TANC2: variants seen among roughly 807,000 people sequenced by gnomAD.
TANC2 encodes the protein tetratricopeptide repeat, ankyrin repeat and coiled-coil containing 2.
TANC2 carries 26 observed loss-of-function variants against 210.5 expected under a neutral mutation model. The ratio of observed to expected loss-of-function variants is 0.12; its 90% CI spans 0.09 to 0.17. The LOEUF (loss-of-function observed/expected upper bound fraction) is 0.17, where lower values mean the gene tolerates loss of function less well. Ranked by LOEUF, TANC2 falls within the 10% of genes least tolerant of loss-of-function variation. The pLI, the probability that TANC2 is intolerant of heterozygous loss-of-function variation, is 1.00. For synonymous variants in TANC2, 931 were observed against 967.1 expected (o/e 0.96, Z 0.69); for missense variants, 2,129 against 2,608.9 (o/e 0.82, Z 4.01).
intron 4 of TANC2, among the ~76,000 whole-genome samples, chr17:63,104,202 G>T (rs1267310337): frequency 6.6e-6 from 1 of 152,100 alleles, no homozygotes; most frequent in South Asian, 2.1e-4. Flanking sequence ...TGCTTTGGGG[G>T]CGATGTGGAA....
intron 3 of TANC2, chr17:63,088,462 C>A (rs950600279): frequency 1.3e-5 from 2 of 152,308 alleles, no homozygotes; most frequent in South Asian, 4.1e-4. Flanking sequence ...AGTTCCTGCT[C>A]AAGACTTTCC....
chr17:63,207,502 A>G (rs571053704), intron 7 of TANC2, among the ~76,000 whole-genome samples: 18 of 152,304 alleles, frequency 1.2e-4, no homozygotes, highest in African/African-American at 4.3e-4. Flanking sequence ...GGCATGAGCC[A>G]CCACGCTCAG....
At chr17:63,303,413 A>G (rs762775047) in intron 9 of TANC2, among the ~76,000 whole-genome samples, 4 of 152,156 alleles carry the variant, frequency 2.6e-5, no homozygotes, top group Non-Finnish European at 4.4e-5. Flanking sequence ...AAGAATGTTG[A>G]ATATTGGCCC....
intron 9 of TANC2, among the ~76,000 whole-genome samples, chr17:63,286,180 G>A (rs966271041): frequency 2.0e-5 from 3 of 152,042 alleles, no homozygotes; most frequent in African/African-American, 4.8e-5. Flanking sequence ...TTATCCATGC[G>A]TTACCATTTC....
chr17:63,099,062 T>C (rs1011482463), intron 3 of TANC2, 113 bp from the exon 4 acceptor site: 1 of 1,098,800 alleles, frequency 9.1e-7, no homozygotes, highest in Non-Finnish European at 1.3e-6. Context: ...GAAAATACTT[T>C]GATTTTTCAC....
intron 5 of TANC2, among the ~76,000 whole-genome samples, chr17:63,171,813 C>A (rs2040414606): frequency 6.6e-6 from 1 of 152,212 alleles, no homozygotes; most frequent in Admixed American, 6.5e-5. Flanking sequence ...CCTGTAAATC[C>A]TCTTTGGTAC....
intron 9 of TANC2, among the ~76,000 whole-genome samples, chr17:63,271,365 G>A (rs1261700412): frequency 6.6e-6 from 1 of 150,528 alleles, no homozygotes; most frequent in African/African-American, 2.4e-5. Context: ...CTTTCAGACT[G>A]TTATGAGACG....
intron 14 of TANC2, among the ~76,000 whole-genome samples, chr17:63,368,043 T>G (rs1223761015): frequency 2.0e-5 from 3 of 152,182 alleles, no homozygotes; most frequent in African/African-American, 7.2e-5. Context: ...TGAGGAATGG[T>G]AAGACCTATA....
intron 8 of TANC2, among the ~76,000 whole-genome samples, chr17:63,251,169 T>G (rs1356339807): frequency 6.6e-6 from 1 of 152,184 alleles, no homozygotes; most frequent in Non-Finnish European, 1.5e-5. Context: ...AAGGCAGACA[T>G]GTAAACACCT....
chr17:63,065,283 AT>A (rs1484339300), intron 2 of TANC2, among the ~76,000 whole-genome samples: 2 of 152,002 alleles, frequency 1.3e-5, no homozygotes, highest in Non-Finnish European at 2.9e-5. Context: ...CATTCACCAC[AT>A]TTTCTTTATC....
intron 7 of TANC2, among the ~76,000 whole-genome samples, chr17:63,213,576 A>C (rs2041946750): frequency 6.6e-6 from 1 of 152,244 alleles, no homozygotes; most frequent in African/African-American, 2.4e-5. Flanking sequence ...TAAACAATAC[A>C]GACACATAAT....
intron 17 of TANC2, among the ~76,000 whole-genome samples, chr17:63,393,883 G>C (rs1225687308): frequency 6.6e-6 from 1 of 151,592 alleles, no homozygotes; most frequent in Non-Finnish European, 1.5e-5. Context: ...TGATTCTCCT[G>C]CCTCACCCTC....
chr17:63,300,536 T>C (rs1457930316), intron 9 of TANC2, among the ~76,000 whole-genome samples: 1 of 152,112 alleles, frequency 6.6e-6, no homozygotes, highest in Non-Finnish European at 1.5e-5. Flanking sequence ...TCTCTCTTTG[T>C]AGTGATTGTG....
At chr17:63,077,330 T>C (rs1311596237) in intron 3 of TANC2, among the ~76,000 whole-genome samples, 1 of 152,220 alleles carries the variant, frequency 6.6e-6, no homozygotes, top group Admixed American at 6.5e-5. Flanking sequence ...AATCTGCCTG[T>C]CTTATACACT....
At chr17:63,407,061 A>G (rs1448397513) in intron 21 of TANC2, among the ~76,000 whole-genome samples, 3 of 152,208 alleles carry the variant, frequency 2.0e-5, no homozygotes, top group Admixed American at 6.5e-5. Context: ...AAGAAAACCA[A>G]CCTCCTGAAG....
intron 3 of TANC2, among the ~76,000 whole-genome samples, chr17:63,098,513 G>GTATATATATATATATATATATA (rs779741664): frequency 8.0e-6 from 1 of 125,422 alleles, no homozygotes; most frequent in Non-Finnish European, 1.7e-5. Context: ...CTCTCTCTGT[G>GTATATATATATATATATATATA]TGTATATATA....
intron 12 of TANC2, 76 bp downstream of exon 12, chr17:63,340,408 A>G (rs2046189392): frequency 1.6e-6 from 2 of 1,246,420 alleles, no homozygotes; most frequent in Admixed American, 2.1e-5. Context: ...TATAAAAATG[A>G]TTGATTTTAT....
intron 17 of TANC2, chr17:63,390,370 T>A (rs1207785413): frequency 6.6e-6 from 1 of 152,242 alleles, no homozygotes; most frequent in Non-Finnish European, 1.5e-5. Context: ...AACTGAGACG[T>A]AGGCCTCTCA....
intron 7 of TANC2, among the ~76,000 whole-genome samples, chr17:63,220,715 AAAAAATATAT>A (rs1161835046): frequency 7.2e-6 from 1 of 138,838 alleles, no homozygotes; most frequent in African/African-American, 2.7e-5. Context: ...AAAAAAAAAA[AAAAAATATAT>A]ATATATATAT....
Sources: gnomAD v4.1 joint callset for allele counts (sites outside exome capture counted in the v4.1 genomes callset) on GRCh38, gnomAD v4.1.1 for gene constraint, MANE v1.5 for transcripts, NCBI Gene and HGNC (gene_info 2026-07-23, HGNC 2026-07-21) for gene names.